Variants in NCOA7 observed in about 807,000 individuals in gnomAD.
The protein encoded by NCOA7 is nuclear receptor coactivator 7.
Under a neutral mutation model 104.3 loss-of-function variants are expected in NCOA7, and 45 were observed. That is an observed-to-expected ratio of 0.43 (90% CI 0.34 to 0.55). The LOEUF (loss-of-function observed/expected upper bound fraction) is 0.55, where lower values mean the gene tolerates loss of function less well. Ranked by LOEUF, NCOA7 falls within the 20% of genes least tolerant of loss-of-function variation. The pLI is 0.02. For missense variants in NCOA7, 1,041 were observed against 1,119.7 expected (o/e 0.93, Z 1.00); for synonymous variants, 398 against 402.3 (o/e 0.99, Z 0.13).
At chr6:125,880,645 A>T (rs1345353889) in intron 5 of NCOA7, among the ~76,000 whole-genome samples, 1 of 151,942 alleles carries the variant, frequency 6.6e-6, no homozygotes, top group Admixed American at 6.6e-5. Context: ...CTCCTGCCTC[A>T]GCCTCCCCGA....
chr6:125,913,489 C>T (rs187774770), intron 10 of NCOA7: 93 of 216,648 alleles, frequency 4.3e-4, no homozygotes, highest in Middle Eastern at 2.3e-3. Context: ...CCAAAAGCTG[C>T]GTACCATGGA....
At chr6:125,919,288 G>T (rs763236215) in intron 11 of NCOA7, 1 of 1,612,324 alleles carries the variant, frequency 6.2e-7, no homozygotes. Context: ...AGTAACTGTG[G>T]TGTGGAAGCA....
chr6:125,910,946 T>C (rs1285327071), intron 10 of NCOA7, among the ~76,000 whole-genome samples: 1 of 152,130 alleles, frequency 6.6e-6, no homozygotes, highest in Non-Finnish European at 1.5e-5. Flanking sequence ...AGATAAAGAA[T>C]AATGTTGGGG....
chr6:125,881,255 G>A (rs764803354), intron 6 of NCOA7, 52 bp downstream of exon 6: 1 of 1,258,652 alleles, frequency 7.9e-7, no homozygotes, highest in Non-Finnish European at 1.2e-6. Flanking sequence ...CTTCTTTTAA[G>A]TTGTAGAATT....
chr6:125,880,633 T>A (rs562939416), intron 5 of NCOA7, among the ~76,000 whole-genome samples: 7 of 152,158 alleles, frequency 4.6e-5, no homozygotes, highest in Admixed American at 1.3e-4. Context: ...GTTCAAGAGA[T>A]TCTCCTGCCT....
At chr6:125,921,997 TGA>T (rs1243223034) in intron 12 of NCOA7, among the ~76,000 whole-genome samples, 1 of 152,208 alleles carries the variant, frequency 6.6e-6, no homozygotes, top group African/African-American at 2.4e-5. Flanking sequence ...CCTAGTTTAC[TGA>T]GGAACCAGTA....
chr6:125,827,542 A>G (rs1165618980), intron 2 of NCOA7, among the ~76,000 whole-genome samples: 1 of 152,232 alleles, frequency 6.6e-6, no homozygotes, highest in Non-Finnish European at 1.5e-5. Flanking sequence ...TCCACTTTAG[A>G]CACAAGTTAT....
intron 1 of NCOA7, among the ~76,000 whole-genome samples, chr6:125,795,721 G>A (rs1775255131): frequency 6.6e-6 from 1 of 152,118 alleles, no homozygotes; most frequent in South Asian, 2.1e-4. Context: ...TACACAGGAA[G>A]GAATCTGCAC....
At chr6:125,789,222 C>G (rs1774622995), upstream of NCOA7, among the ~76,000 whole-genome samples, 2 of 152,158 alleles carry the variant, frequency 1.3e-5, no homozygotes, top group Non-Finnish European at 1.5e-5. Flanking sequence ...AAGTGGGGCT[C>G]TAGATCAACC....
intron 3 of NCOA7, among the ~76,000 whole-genome samples, chr6:125,868,740 T>G (rs1424390394): frequency 6.6e-6 from 1 of 152,246 alleles, no homozygotes; most frequent in Non-Finnish European, 1.5e-5. Flanking sequence ...ACCCCTTTCT[T>G]TGAAAAATCT....
intron 1 of NCOA7, among the ~76,000 whole-genome samples, chr6:125,804,000 A>G (rs962245035): frequency 6.6e-6 from 1 of 152,048 alleles, no homozygotes; most frequent in Non-Finnish European, 1.5e-5. Flanking sequence ...TAAGACCAGG[A>G]CACATGCATC....
chr6:125,811,408 G>A (rs549583242), intron 1 of NCOA7, among the ~76,000 whole-genome samples: 9 of 152,302 alleles, frequency 5.9e-5, no homozygotes, highest in South Asian at 4.1e-4. Flanking sequence ...TGGTTGGGGC[G>A]AGGAGACTAA....
At chr6:125,838,931 T>C (rs1402370663) in intron 2 of NCOA7, among the ~76,000 whole-genome samples, 2 of 151,500 alleles carry the variant, frequency 1.3e-5, no homozygotes, top group South Asian at 2.1e-4. Flanking sequence ...TCAGGGGTGG[T>C]AGGTTGGGGG....
At chr6:125,897,742 T>C (rs974524566) in intron 10 of NCOA7, among the ~76,000 whole-genome samples, 1 of 152,144 alleles carries the variant, frequency 6.6e-6, no homozygotes, top group Non-Finnish European at 1.5e-5. Context: ...TGCAATGGCA[T>C]GATCTCGGCT....
chr6:125,869,657 A>C (rs1330767769), intron 3 of NCOA7, among the ~76,000 whole-genome samples: 1 of 152,184 alleles, frequency 6.6e-6, no homozygotes, highest in Non-Finnish European at 1.5e-5. Context: ...ACGTGAGACT[A>C]CTCAGGCAGC....
At chr6:125,887,031 C>G (rs1298758249) in intron 8 of NCOA7, among the ~76,000 whole-genome samples, 1 of 152,176 alleles carries the variant, frequency 6.6e-6, no homozygotes, top group Non-Finnish European at 1.5e-5. Flanking sequence ...AACAAACTAG[C>G]CAGTTGACAG....
At chr6:125,921,793 CT>C (rs935883332) in intron 12 of NCOA7, among the ~76,000 whole-genome samples, 8 of 152,090 alleles carry the variant, frequency 5.3e-5, no homozygotes, top group Non-Finnish European at 1.0e-4. Context: ...TGAAAAATAC[CT>C]ACCTACAGGA....
chr6:125,920,187 T>TAATTGTA (rs1787447438), intron 11 of NCOA7, among the ~76,000 whole-genome samples: 1 of 152,236 alleles, frequency 6.6e-6, no homozygotes, highest in Non-Finnish European at 1.5e-5. Flanking sequence ...ATTTTTATCA[T>TAATTGTA]CTCTGAACAG....
At chr6:125,901,586 A>T (rs949291451) in intron 10 of NCOA7, among the ~76,000 whole-genome samples, 2 of 152,208 alleles carry the variant, frequency 1.3e-5, no homozygotes, top group African/African-American at 2.4e-5. Context: ...ACCCTGTACC[A>T]GCCCATAGTA....
Sources: gnomAD v4.1 joint callset for allele counts (sites outside exome capture counted in the v4.1 genomes callset) on GRCh38, gnomAD v4.1.1 for gene constraint, MANE v1.5 for transcripts, NCBI Gene and HGNC (gene_info 2026-07-23, HGNC 2026-07-21) for gene names.